The following ZNF717 variants were observed in gnomAD, a reference collection of about 807,000 sequenced individuals.
ZNF717 encodes zinc finger protein 717.
In ZNF717, 9 loss-of-function variants were observed where a neutral mutation model predicts 13.8. The ratio of observed to expected loss-of-function variants is 0.65; its 90% CI spans 0.39 to 1.14. ZNF717 has a LOEUF of 1.14. ZNF717 is among the 50% of genes most tolerant of loss of function. The probability of loss-of-function intolerance (pLI) is 0.01; values close to 1 mark genes in which losing one functional copy is unlikely to be tolerated. For synonymous variants in ZNF717, 327 were observed against 364.1 expected, an observed-to-expected ratio of 0.90 and a Z score of 1.16; for missense variants, 1,040 against 1,080.7, an observed-to-expected ratio of 0.96 and a Z score of 0.53.
chr3:75,697,012 T>C (rs1394942599), intron 6 of ZNF717, among the ~76,000 whole-genome samples: 30 of 152,142 alleles, frequency 2.0e-4, no homozygotes, highest in African/African-American at 6.8e-4. Flanking sequence ...GAAAACTGGG[T>C]ATGGAATGAA....
downstream of ZNF717, among the ~76,000 whole-genome samples, chr3:75,726,660 GA>G (rs1938285960): frequency 6.6e-6 from 1 of 152,258 alleles, no homozygotes; most frequent in Non-Finnish European, 1.5e-5. Context: ...CTAGATAAAC[GA>G]TCCTGGGCCT....
rs1013367291 is a variant in ZNF717 at position 75,738,943 on chromosome 3, T to A, written c.680A>T (p.His227Leu). 6.4e-7 allele frequency: 1 copy of A among 1,551,528 alleles called. No individual in the cohort carries two copies. The highest frequency in any genetic ancestry group is 2.4e-5 in the East Asian group (1 of 40,918). ...GGTCTGTACTATATGAACCCTCTTA[T>A]GTATAAAGAACATTGCCTCCGTGTT... ...TFNTEAMFFI[H>L]KRVHIVQTFG... Residue 227 changes from histidine (H) to leucine (L), a missense_variant, in exon 5 of 5, where the codon CAT (histidine) becomes CTT (leucine). By Grantham distance (99) the His-to-Leu change is moderately conservative. Transcript: ENST00000652011.
chr3:75,764,877 T>C (rs760815657), intron 2 of ZNF717, among the ~76,000 whole-genome samples: 19 of 151,806 alleles, frequency 1.3e-4, no homozygotes, highest in Non-Finnish European at 2.5e-4. Flanking sequence ...ACAGAATAAC[T>C]AGTAGCAGGA....
At chr3:75,772,667 C>A (rs946711099) in intron 2 of ZNF717, among the ~76,000 whole-genome samples, 29 of 152,394 alleles carry the variant, frequency 1.9e-4, no homozygotes, top group African/African-American at 6.7e-4. Flanking sequence ...AGATCCCATG[C>A]TCGCTTGCTC....
chr3:75,760,650 A>T (rs1169821688), intron 2 of ZNF717, among the ~76,000 whole-genome samples: 1 of 152,120 alleles, frequency 6.6e-6, no homozygotes, highest in African/African-American at 2.4e-5. Context: ...AATTGAAAAG[A>T]AGCGAGATCT....
At chr3:75,782,031 G>A (rs1175477159) in intron 2 of ZNF717, among the ~76,000 whole-genome samples, 5 of 152,146 alleles carry the variant, frequency 3.3e-5, no homozygotes, top group East Asian at 1.9e-4. Flanking sequence ...AATTTCGTGC[G>A]TTAGCCATCT....
intron 2 of ZNF717, among the ~76,000 whole-genome samples, chr3:75,750,439 G>A (rs1941653775): frequency 6.9e-6 from 1 of 145,714 alleles, no homozygotes; most frequent in South Asian, 2.2e-4. Flanking sequence ...CACTCCTACT[G>A]TGGTCTGAAT....
chr3:75,759,535 G>T (rs1559649490), intron 2 of ZNF717, among the ~76,000 whole-genome samples: 1 of 152,078 alleles, frequency 6.6e-6, no homozygotes, highest in South Asian at 2.1e-4. Context: ...GCCTCCCAAA[G>T]TGCTGCGATT....
chr3:75,757,931 AGT>A (rs1942632519), intron 2 of ZNF717, among the ~76,000 whole-genome samples: 3 of 150,028 alleles, frequency 2.0e-5, no homozygotes, highest in Non-Finnish European at 4.4e-5. Context: ...TGGCCAACAT[AGT>A]GAAACCCTGT....
At chr3:75,732,930 A>AT (rs1194913210), downstream of ZNF717, among the ~76,000 whole-genome samples, 2 of 124,354 alleles carry the variant, frequency 1.6e-5, no homozygotes, top group South Asian at 3.3e-4. Flanking sequence ...TCAGACAGGG[A>AT]TTTTAAAAAA....
Position 75,738,191 on chromosome 3 carries a change from G to GTT in ZNF717, c.1430_1431dup (p.Pro478AsnfsTer102), listed in dbSNP as rs1258030738. On this transcript the variant is annotated frameshift_variant, in exon 5 of 5. Coordinates refer to ENST00000652011, the MANE Select transcript of ZNF717 (RefSeq NM_001290208.3). LOFTEE classifies it low-confidence loss of function (END_TRUNC). The stretch of plus-strand genomic sequence containing the variant: ...TTCCCACATTCATTGCATTCATAGG[G>GTT]TTTTTCCCCTGTGTGAGTTCTCTGA... The GTT allele has an allele frequency of 6.4e-6, 10 of 1,573,998 alleles. No individual in the cohort carries two copies. The highest frequency in any genetic ancestry group is 2.7e-5 in the African/African-American group (2 of 73,276).
At chr3:75,730,641 C>T in intron 5 of ZNF717, 1 of 701,980 alleles carries the variant, frequency 1.4e-6, no homozygotes, top group East Asian at 2.7e-5. Flanking sequence ...GATTTTGAAA[C>T]TATCAGAATT....
chr3:75,702,807 T>C (rs1937722281), intron 6 of ZNF717, among the ~76,000 whole-genome samples: 1 of 152,310 alleles, frequency 6.6e-6, no homozygotes, highest in South Asian at 2.1e-4. Flanking sequence ...GAGGAGAGTA[T>C]AATGAGGCAT....
downstream of ZNF717, among the ~76,000 whole-genome samples, chr3:75,708,649 C>A (rs1261183931): frequency 6.6e-6 from 1 of 152,092 alleles, no homozygotes; most frequent in African/African-American, 2.4e-5. Flanking sequence ...GAAGAAGGAT[C>A]CAGACGATCA....
intron 2 of ZNF717, among the ~76,000 whole-genome samples, chr3:75,745,212 T>G (rs1941023784): frequency 6.6e-6 from 1 of 152,004 alleles, no homozygotes; most frequent in Admixed American, 6.6e-5. Context: ...TATTTTTAAT[T>G]GACATATGAC....
At chr3:75,762,440 CAAAAAAAA>C (rs36024450) in intron 2 of ZNF717, among the ~76,000 whole-genome samples, 9 of 116,422 alleles carry the variant, frequency 7.7e-5, no homozygotes, top group Non-Finnish European at 3.4e-5. Flanking sequence ...GACTCCATCT[CAAAAAAAA>C]AAAAAAAAAA....
At chr3:75,716,779 C>G (rs1938063832) in intron 4 of ZNF717, among the ~76,000 whole-genome samples, 1 of 152,072 alleles carries the variant, frequency 6.6e-6, no homozygotes. Flanking sequence ...GTTAAAGGAC[C>G]ACTGACATGA....
downstream of ZNF717, among the ~76,000 whole-genome samples, chr3:75,734,423 GTTTTTTTT>G (rs1407400548): frequency 1.6e-3 from 59 of 36,624 alleles, no homozygotes; most frequent in African/African-American, 5.6e-3. Flanking sequence ...GGTAAAATGG[GTTTTTTTT>G]GTTTTTTTGT....
chr3:75,768,325 C>G (rs1943641570), intron 2 of ZNF717, among the ~76,000 whole-genome samples: 1 of 144,230 alleles, frequency 6.9e-6, no homozygotes. Context: ...TGACAGGCCA[C>G]CACAACCTGA....
Sources: gnomAD v4.1 joint callset for allele counts (sites outside exome capture counted in the v4.1 genomes callset) on GRCh38, gnomAD v4.1.1 for gene constraint, MANE v1.5 for transcripts, NCBI Gene and HGNC (gene_info 2026-07-23, HGNC 2026-07-21) for gene names.